OXNAD1: variants seen among roughly 807,000 people sequenced by gnomAD.
The protein encoded by OXNAD1 is oxidoreductase NAD-binding domain-containing protein 1.
OXNAD1 carries 34 observed loss-of-function variants against 32.9 expected under a neutral mutation model. The observed-to-expected ratio is 1.03, with a 90% CI of 0.79 to 1.38. The LOEUF (loss-of-function observed/expected upper bound fraction) is 1.38. OXNAD1 is among the 40% of genes most tolerant of loss of function. The pLI is 0.00. For synonymous variants in OXNAD1, 134 were observed against 135.2 expected (o/e 0.99, Z 0.06); for missense variants, 407 against 379.4 (o/e 1.07, Z -0.60).
At position 16,290,955 on chromosome 3, in the gene OXNAD1, G is replaced by A. The variant is rs1436592033; in HGVS notation, c.291-3901G>A. Among the ~76,000 whole-genome samples the A allele has an allele frequency of 6.6e-6, 1 of 152,154 alleles. No individual in the cohort carries two copies. The highest frequency in any genetic ancestry group is 2.4e-5 in the African/African-American group (1 of 41,430). On this transcript the variant is annotated intron_variant, in intron 5 of 8. Coordinates refer to ENST00000285083, the MANE Select transcript of OXNAD1 (RefSeq NM_138381.5). This position sits in a 1 kb window ranked among gnomAD's most constrained non-coding sequence, Gnocchi z 4.2. The stretch of plus-strand genomic sequence containing the variant: ...TGAAACACCTAGATTGGATGTTTAT[G>A]TTTCCCAGATATGGGGATGAGAATT...
rs968184581 is a variant in OXNAD1, at chr3:16,327,759, C to T, written c.*31-9353C>T. 9.6e-6 allele frequency among the ~76,000 whole-genome samples: 1 copy of T among 103,782 alleles called. No homozygotes were observed. Among genetic ancestry groups the T allele is most frequent in the Non-Finnish European group, 2.2e-5 (1 of 45,764 alleles). 68.1% of individuals were successfully genotyped at this position (103,782 alleles called of 152,430 possible). On this transcript the variant is annotated intron_variant, in intron 9 of 9. Coordinates refer to the OXNAD1 transcript ENST00000435829. The surrounding 1 kb of genome is among the most constrained non-coding windows in gnomAD (Gnocchi z 4.2). ...CTGGGTGACAGAGCGGGATTCCCAT[C>T]TCAAAAAAAAAAACAAAACGAAAAA...
rs151278888 is a variant in OXNAD1 at position 16,290,776 on chromosome 3, T to A, written c.291-4080T>A. ...TCCAGAACTGGTTTTTAAACACTTATAATAAATGACTGGAAATGTAAGGCC... is the reference window on the plus strand; with the variant it reads ...TCCAGAACTGGTTTTTAAACACTTAAAATAAATGACTGGAAATGTAAGGCC... On this transcript the variant is annotated intron_variant, in intron 5 of 8. Coordinates refer to ENST00000285083, the MANE Select transcript of OXNAD1 (RefSeq NM_138381.5). This position sits in a 1 kb window ranked among gnomAD's most constrained non-coding sequence, Gnocchi z 4.2. Among the ~76,000 whole-genome samples the A allele has an allele frequency of 1.3e-5, 2 of 152,222 alleles. No individual in the cohort carries two copies. Among genetic ancestry groups the A allele is most frequent in the African/African-American group, 4.8e-5 (2 of 41,456 alleles).
chr3:16,279,143 C>T (rs533000741), intron 4 of OXNAD1, among the ~76,000 whole-genome samples: 29 of 152,206 alleles, frequency 1.9e-4, no homozygotes, highest in Non-Finnish European at 3.2e-4. Flanking sequence ...CAGTGCTTGA[C>T]GCTCCTGGCT....
At chr3:16,333,762 T>C (rs1421158892) in intron 9 of OXNAD1, among the ~76,000 whole-genome samples, 1 of 151,288 alleles carries the variant, frequency 6.6e-6, no homozygotes, top group Non-Finnish European at 1.5e-5. Context: ...AAAGAAAAAA[T>C]CCAATAATCC....
chr3:16,330,704 T>C (rs1270334069), intron 9 of OXNAD1, among the ~76,000 whole-genome samples: 1 of 152,260 alleles, frequency 6.6e-6, no homozygotes, highest in East Asian at 1.9e-4. Flanking sequence ...TTTGTATTTA[T>C]GGCTCTTTTT....
intron 1 of OXNAD1, among the ~76,000 whole-genome samples, chr3:16,266,771 T>C (rs1264263025): frequency 2.6e-5 from 4 of 152,274 alleles, no homozygotes; most frequent in South Asian, 2.1e-4. Context: ...TGTATTAGGA[T>C]TGATTTTAGT....
chr3:16,323,299 C>A, intron 9 of OXNAD1: 2 of 1,104,704 alleles, frequency 1.8e-6, no homozygotes, highest in East Asian at 2.4e-5. Context: ...CAGGCTGCCC[C>A]CTCAAATGCT....
chr3:16,325,994 G>A (rs1301896426), intron 9 of OXNAD1, among the ~76,000 whole-genome samples: 1 of 152,210 alleles, frequency 6.6e-6, no homozygotes, highest in Non-Finnish European at 1.5e-5. Flanking sequence ...GAGGTTCTAG[G>A]CCCAGTTTCT....
At chr3:16,323,671 C>A (rs1169261841) in intron 9 of OXNAD1, among the ~76,000 whole-genome samples, 1 of 152,176 alleles carries the variant, frequency 6.6e-6, no homozygotes, top group Non-Finnish European at 1.5e-5. Context: ...TTTTGGGTAT[C>A]CCTACAAAGT....
In OXNAD1 at chr3:16,288,941, T is replaced by C. The variant is rs1371779149; in HGVS notation, c.290+2493T>C. 6.6e-6 allele frequency among the ~76,000 whole-genome samples: 1 copy of C among 152,202 alleles called. No individual in the cohort carries two copies. The highest frequency in any genetic ancestry group is 2.4e-5 in the African/African-American group (1 of 41,460). ...CTGCCTCTGGCATTGGTTATGCTAC[T>C]GTGGGTAGCAGTGTATTGTCGCCTA... On this transcript the variant is annotated intron_variant, in intron 5 of 8. Coordinates refer to ENST00000285083, the MANE Select transcript of OXNAD1 (RefSeq NM_138381.5). The surrounding 1 kb of genome is among the most constrained non-coding windows in gnomAD (Gnocchi z 5.1).
intron 4 of OXNAD1, among the ~76,000 whole-genome samples, chr3:16,279,126 G>A (rs2065560253): frequency 6.6e-6 from 1 of 152,196 alleles, no homozygotes; most frequent in Non-Finnish European, 1.5e-5. Context: ...ATCCAGCCTG[G>A]GATGAGCAGT....
intron 9 of OXNAD1, among the ~76,000 whole-genome samples, chr3:16,318,890 G>C (rs541903421): frequency 1.8e-4 from 28 of 152,256 alleles, no homozygotes; most frequent in Admixed American, 1.5e-3. Flanking sequence ...CCCAATAATG[G>C]AATCACTCTG....
rs537420282 is a variant in OXNAD1 at position 16,298,038 on chromosome 3, C to T, written c.432+3041C>T. Among the ~76,000 whole-genome samples the T allele has an allele frequency of 3.3e-5, 5 of 152,234 alleles. No homozygotes were observed. The highest frequency in any genetic ancestry group is 2.0e-4 in the Admixed American group (3 of 15,290). ...ACATAATATATTCTTGTGGTTTACA[C>T]GTCAAGTTGTGTCTGTCCAGGATAA... On this transcript the variant is annotated intron_variant, in intron 6 of 8. Transcript: ENST00000285083. This position sits in a 1 kb window ranked among gnomAD's most constrained non-coding sequence, Gnocchi z 5.1.
In OXNAD1 at chr3:16,334,211, T is replaced by A. The variant is rs1018532637; in HGVS notation, c.*31-2901T>A. Among the ~76,000 whole-genome samples the A allele has an allele frequency of 2.0e-5, 3 of 152,126 alleles. No individual in the cohort carries two copies. Among genetic ancestry groups the A allele is most frequent in the African/African-American group, 7.2e-5 (3 of 41,430 alleles). ...AACAACAACAAAAAATACCCTGAGATACTATTTTTTCACCTATTGAACTGG... is the reference window on the plus strand; with the variant it reads ...AACAACAACAAAAAATACCCTGAGAAACTATTTTTTCACCTATTGAACTGG... On this transcript the variant is annotated intron_variant, in intron 9 of 9. Coordinates refer to the OXNAD1 transcript ENST00000435829. This position sits in a 1 kb window ranked among gnomAD's most constrained non-coding sequence, Gnocchi z 4.3.
rs2067209872 is a variant in OXNAD1 at position 16,301,848 on chromosome 3, A to G, written c.655A>G (p.Thr219Ala). 2 of 1,613,888 alleles carry G rather than the reference A, an allele frequency of 1.2e-6. No homozygotes were observed. Among genetic ancestry groups the G allele is most frequent in the African/African-American group, 2.7e-5 (2 of 74,936 alleles). Residue 219 changes from threonine to alanine, a missense_variant, in exon 7 of 9, where the codon ACC (threonine) becomes GCC (alanine). Coordinates refer to ENST00000285083, the MANE Select transcript of OXNAD1 (RefSeq NM_138381.5). This position sits in a 1 kb window ranked among gnomAD's most constrained non-coding sequence, Gnocchi z 4.1. ...AAAACTATTCTACAGTGCAAAAAAT[A>G]CCAGCGAACTCCTGTTTAAGGTAAG... ...TIKLFYSAKN[T>A]SELLFKKNIL...
downstream of OXNAD1, among the ~76,000 whole-genome samples, chr3:16,309,368 T>C (rs1207003497): frequency 6.6e-6 from 1 of 152,204 alleles, no homozygotes; most frequent in South Asian, 2.1e-4. Context: ...CCTAATCAGT[T>C]TATATTCTAA....
chr3:16,303,648 C>G lies in OXNAD1; in HGVS notation c.*86C>G. On this transcript the variant is annotated 3_prime_UTR_variant, in exon 9 of 9. Transcript: ENST00000285083. This position sits in a 1 kb window ranked among gnomAD's most constrained non-coding sequence, Gnocchi z 4.8. ...TTGTGGCATGATTAATTTTTTTTAT[C>G]TCTACTTGAGTTGTCTTATTTTTTA... The G allele has an allele frequency of 7.1e-7, 1 of 1,402,792 alleles. No individual in the cohort carries two copies. The allele number at this position is 1,402,792 out of a possible 1,614,324, so 86.9% of individuals were successfully genotyped here. A position where few individuals can be genotyped will look rare whatever the true frequency, so the allele number is the denominator to read the frequency against.
intron 4 of OXNAD1, among the ~76,000 whole-genome samples, chr3:16,281,403 G>A (rs1043324111): frequency 6.6e-6 from 1 of 152,088 alleles, no homozygotes; most frequent in South Asian, 2.1e-4. Context: ...AATCCAAAAC[G>A]TTTTGAGTAC....
downstream of OXNAD1, among the ~76,000 whole-genome samples, chr3:16,306,265 G>T (rs1237624301): frequency 6.6e-6 from 1 of 152,122 alleles, no homozygotes; most frequent in East Asian, 1.9e-4. Context: ...TCCATCACCC[G>T]GCTTCCATGA....
Sources: allele counts gnomAD v4.1 joint callset (sites outside exome capture counted in the v4.1 genomes callset), GRCh38; gene constraint gnomAD v4.1.1; non-coding constraint Gnocchi (gnomAD v3.1); transcripts MANE v1.5; gene names NCBI Gene and HGNC (gene_info 2026-07-23, HGNC 2026-07-21).